NRCAM: variants seen among roughly 807,000 people sequenced by gnomAD.
The protein encoded by NRCAM is neuronal cell adhesion molecule, also known as NgCAM-related cell adhesion molecule.
A neutral mutation model predicts 156.5 loss-of-function variants in NRCAM; 83 were observed. The ratio of observed to expected loss-of-function variants is 0.53; its 90% CI spans 0.44 to 0.64. NRCAM has a LOEUF of 0.64. Among genes scored for constraint, NRCAM ranks in the 30% least tolerant of loss-of-function variants. The pLI, the probability that NRCAM is intolerant of heterozygous loss-of-function variation, is 0.00. For synonymous variants in NRCAM, 538 were observed against 563.9 expected (o/e 0.95, Z 0.65); for missense variants, 1,417 against 1,597.3 (o/e 0.89, Z 1.92).
chr7:108,256,113 G>C (rs1408413593), intron 3 of NRCAM, among the ~76,000 whole-genome samples: 1 of 118,164 alleles, frequency 8.5e-6, no homozygotes, highest in East Asian at 2.6e-4. Context: ...CCGCCACCCC[G>C]TCTGGGAGGT....
At position 108,148,639 on chromosome 7, in the gene NRCAM, A is replaced by G. The variant is rs575530623; in HGVS notation, c.*1271T>C. ...ATTTCTTAGATTCTGAAATGTATCC[A>G]TAACAATTTGCATACACGTTGTTTA... On this transcript the variant is annotated 3_prime_UTR_variant, in exon 33 of 33. Coordinates refer to ENST00000379028, the MANE Select transcript of NRCAM (RefSeq NM_001037132.4). The G allele has an allele frequency of 5.1e-4, 78 of 152,782 alleles. No individual in the cohort carries two copies. The highest frequency in any genetic ancestry group is 1.8e-3 in the African/African-American group (73 of 41,588). 9.5% of individuals were successfully genotyped at this position (152,782 alleles called of 1,614,324 possible).
intron 23 of NRCAM, 100 bp downstream of exon 23, chr7:108,182,595 C>T: frequency 5.0e-6 from 5 of 999,494 alleles, no homozygotes; most frequent in East Asian, 2.6e-5. Context: ...AAAATAATTG[C>T]CACCTCCCTC....
intron 11 of NRCAM, 34 bp from the exon 12 acceptor site, chr7:108,209,639 A>C (rs2082972130): frequency 6.7e-7 from 1 of 1,486,090 alleles, no homozygotes; most frequent in African/African-American, 1.4e-5. Context: ...TGTTACAAAA[A>C]AGGAATCCAC....
At chr7:108,404,795 T>TA (rs2099802756) in intron 1 of NRCAM, among the ~76,000 whole-genome samples, 1 of 152,194 alleles carries the variant, frequency 6.6e-6, no homozygotes. Flanking sequence ...CAGAAAGTGA[T>TA]AAACACAATG....
At chr7:108,152,426 G>C (rs1039058757) in intron 32 of NRCAM, among the ~76,000 whole-genome samples, 4 of 152,094 alleles carry the variant, frequency 2.6e-5, no homozygotes, top group Admixed American at 1.3e-4. Context: ...GGGAGGGAGA[G>C]AGAGAGAGAG....
At chr7:108,435,087 G>A (rs1459015863) in intron 1 of NRCAM, among the ~76,000 whole-genome samples, 2 of 150,636 alleles carry the variant, frequency 1.3e-5, no homozygotes, top group African/African-American at 2.4e-5. Context: ...AACAGACTTA[G>A]CAGACAAAGA....
At chr7:108,373,184 A>AG (rs2099640206) in intron 2 of NRCAM, among the ~76,000 whole-genome samples, 1 of 152,156 alleles carries the variant, frequency 6.6e-6, no homozygotes, top group South Asian at 2.1e-4. Context: ...GCGATTGCCA[A>AG]GGGGTGGAAG....
intron 2 of NRCAM, among the ~76,000 whole-genome samples, chr7:108,391,627 C>G (rs1221687460): frequency 1.3e-5 from 2 of 151,936 alleles, no homozygotes; most frequent in African/African-American, 4.8e-5. Context: ...ATGATGTTAG[C>G]TGGTTATTTT....
intron 1 of NRCAM, among the ~76,000 whole-genome samples, chr7:108,447,391 G>A (rs1298005386): frequency 4.7e-5 from 7 of 149,860 alleles, no homozygotes; most frequent in Admixed American, 6.7e-5. Flanking sequence ...TCAGCCTCCC[G>A]AGTAGCTGGG....
chr7:108,204,530 T>C (rs1307649593), intron 13 of NRCAM, among the ~76,000 whole-genome samples: 2 of 152,214 alleles, frequency 1.3e-5, no homozygotes, highest in African/African-American at 4.8e-5. Context: ...GAAAGACCCC[T>C]TCCAGGGAAG....
intron 1 of NRCAM, among the ~76,000 whole-genome samples, chr7:108,439,421 C>T (rs1835935169): frequency 6.6e-6 from 1 of 152,048 alleles, no homozygotes; most frequent in African/African-American, 2.4e-5. Context: ...GTTCTAAAAA[C>T]CGGCAAAACA....
At chr7:108,300,570 G>A (rs1456192490) in intron 3 of NRCAM, among the ~76,000 whole-genome samples, 3 of 152,098 alleles carry the variant, frequency 2.0e-5, no homozygotes, top group Non-Finnish European at 2.9e-5. Context: ...AAAAGACTAA[G>A]TCAAATTTCC....
intron 1 of NRCAM, among the ~76,000 whole-genome samples, chr7:108,410,776 T>C (rs1226681642): frequency 6.6e-6 from 1 of 151,868 alleles, no homozygotes; most frequent in Non-Finnish European, 1.5e-5. Flanking sequence ...GTGGAGGAAG[T>C]GGTCCAGCAT....
rs927288674 is a variant in NRCAM, at chr7:108,149,891, T to C, written c.*19A>G. 5.7e-6 allele frequency: 9 copies of C among 1,589,014 alleles called. No homozygotes were observed. The African/African-American group carries it at 6.8e-5, about 12-fold the overall frequency. ...ATAAACATTCTAGAGAAATGGAATA[T>C]TGGCAAAGAGCTTAAAAATTAAACA... On this transcript the variant is annotated 3_prime_UTR_variant, in exon 33 of 33. Coordinates refer to ENST00000379028, the MANE Select transcript of NRCAM (RefSeq NM_001037132.4).
intron 2 of NRCAM, among the ~76,000 whole-genome samples, chr7:108,357,018 C>T (rs1039755213): frequency 2.6e-5 from 4 of 152,120 alleles, no homozygotes; most frequent in Non-Finnish European, 2.9e-5. Flanking sequence ...ACTAGAAGAC[C>T]GCTATCTGCA....
In NRCAM at chr7:108,222,380, G is replaced by T. The variant is rs565572261; in HGVS notation, c.890+1345C>A. ...TCCAAAGTTTTAAAAATTCTTTTGG[G>T]AGTATTGTGAAATTTCCAAATACCA... is the stretch of plus-strand genomic sequence containing the variant. On this transcript the variant is annotated intron_variant, in intron 11 of 32. Transcript: ENST00000379028. Among the ~76,000 whole-genome samples the T allele has an allele frequency of 1.3e-4, 20 of 152,212 alleles. No homozygotes were observed. In the East Asian group the frequency reaches 3.7e-3, roughly 28 times the overall value.
intron 2 of NRCAM, among the ~76,000 whole-genome samples, chr7:108,316,495 G>C (rs995420225): frequency 2.6e-5 from 4 of 152,130 alleles, no homozygotes; most frequent in Non-Finnish European, 5.9e-5. Context: ...AAAAGTTCAG[G>C]CCGGGCACGG....
At chr7:108,386,527 C>A (rs2099741359) in intron 2 of NRCAM, among the ~76,000 whole-genome samples, 1 of 151,998 alleles carries the variant, frequency 6.6e-6, no homozygotes, top group Admixed American at 6.6e-5. Flanking sequence ...ATCTGAGTCA[C>A]AAAAGAGATT....
At chr7:108,177,877 T>C (rs1206761345) in intron 26 of NRCAM, 113 bp downstream of exon 26, 3 of 869,292 alleles carry the variant, frequency 3.5e-6, no homozygotes, top group Admixed American at 2.8e-5. Context: ...CTGATCACTA[T>C]ATGTATCGAA....
Sources: gnomAD v4.1 joint callset for allele counts (sites outside exome capture counted in the v4.1 genomes callset) on GRCh38, gnomAD v4.1.1 for gene constraint, MANE v1.5 for transcripts, NCBI Gene and HGNC (gene_info 2026-07-23, HGNC 2026-07-21) for gene names.